MIGA2: variants seen among roughly 807,000 people sequenced by gnomAD.
The protein encoded by MIGA2 is mitoguardin 2, also known as family with sequence similarity 73, member B.
Under a neutral mutation model 69.9 loss-of-function variants are expected in MIGA2, and 36 were observed. The ratio of observed to expected loss-of-function variants is 0.52; its 90% confidence interval spans 0.39 to 0.68. The LOEUF is 0.68. Among genes scored for constraint, MIGA2 ranks in the 30% least tolerant of loss-of-function variants. MIGA2 has a pLI of 0.00. For synonymous variants in MIGA2, 333 were observed against 349.2 expected (o/e 0.95, Z 0.52); for missense variants, 660 against 787.7 (o/e 0.84, Z 1.94).
chr9:129,064,350 G>A (rs1361693120), intron 11 of MIGA2, among the ~76,000 whole-genome samples: 2 of 151,954 alleles, frequency 1.3e-5, no homozygotes, highest in Non-Finnish European at 2.9e-5. Flanking sequence ...GGGACTACAG[G>A]CGCTCGCCAC....
chr9:129,063,527 CCCTT>C lies in MIGA2; in HGVS notation c.1084-14_1084-11del. Reference sequence around the variant, plus strand: ...GCCGTGCCCGGCAGCTCACTCCCCTCCCTTCCTCCTTCCCTAGGGGCTTCTGGAA... The same window carrying C: ...GCCGTGCCCGGCAGCTCACTCCCCTCCCTCCTTCCCTAGGGGCTTCTGGAA... On this transcript the variant is annotated splice_polypyrimidine_tract_variant and intron_variant, in intron 10 of 15. Coordinates refer to ENST00000684074, the MANE Select transcript of MIGA2 (RefSeq NM_001329990.2). 1 of 1,613,532 alleles carries C rather than the reference CCCTT, an allele frequency of 6.2e-7. No individual in the cohort carries two copies. The highest frequency in any genetic ancestry group is 8.5e-7 in the Non-Finnish European group (1 of 1,179,566).
chr9:129,041,296 C>T (rs1415104465), intron 2 of MIGA2, among the ~76,000 whole-genome samples: 2 of 151,864 alleles, frequency 1.3e-5, no homozygotes, highest in Non-Finnish European at 2.9e-5. Flanking sequence ...CATGCCACTA[C>T]ACTCCAGCCT....
In MIGA2 at chr9:129,042,287, T is replaced by C; in HGVS notation, c.97-17T>C. 6.2e-7 allele frequency: 1 copy of C among 1,609,734 alleles called. No homozygotes were observed. The highest frequency in any genetic ancestry group is 8.5e-7 in the Non-Finnish European group (1 of 1,177,936). On this transcript the variant is annotated splice_polypyrimidine_tract_variant and intron_variant, in intron 2 of 15. Transcript: ENST00000684074. The stretch of plus-strand genomic sequence containing the variant: ...CCCCAGGGAGGTGTAACCGGCAGCG[T>C]CTCCTCTTCCCTGCAGTCTGCATTC...
rs1360849926 is a variant in MIGA2, at chr9:129,071,861, C to T, written c.*1408C>T. ...TCCAGGGCAGGAAGGACCCTGTGCT[C>T]CCCGCCCCCCATCCTGACATCCTGT... On this transcript the variant is annotated 3_prime_UTR_variant, in exon 16 of 16. Coordinates refer to ENST00000684074, the MANE Select transcript of MIGA2 (RefSeq NM_001329990.2). The T allele has an allele frequency of 6.6e-6, 1 of 152,670 alleles. No individual in the cohort carries two copies. Among genetic ancestry groups the T allele is most frequent in the Non-Finnish European group, 1.5e-5 (1 of 68,048 alleles). 9.5% of individuals were successfully genotyped at this position (152,670 alleles called of 1,614,324 possible).
intron 6 of MIGA2, among the ~76,000 whole-genome samples, chr9:129,057,058 TC>T (rs1379824652): frequency 6.6e-6 from 1 of 151,590 alleles, no homozygotes; most frequent in African/African-American, 2.4e-5. Flanking sequence ...GAAAGGACAG[TC>T]CTGATGAAAA....
chr9:129,050,938 A>G (rs1845496393), intron 6 of MIGA2, among the ~76,000 whole-genome samples: 1 of 150,012 alleles, frequency 6.7e-6, no homozygotes, highest in South Asian at 2.1e-4. Flanking sequence ...CAATGGTGCG[A>G]TCTTGGCTCA....
intron 1 of MIGA2, among the ~76,000 whole-genome samples, chr9:129,038,646 C>G (rs1432519947): frequency 1.3e-5 from 2 of 152,108 alleles, no homozygotes; most frequent in African/African-American, 4.8e-5. Flanking sequence ...AGCACAAAGT[C>G]TGACTCTACC....
At chr9:129,055,066 A>AT (rs1021809108) in intron 6 of MIGA2, among the ~76,000 whole-genome samples, 1 of 142,658 alleles carries the variant, frequency 7.0e-6, no homozygotes, top group African/African-American at 2.6e-5. Context: ...TAATTTTTGT[A>AT]TTTTTTTTCT....
At chr9:129,062,602 G>A (rs893148031) in intron 9 of MIGA2, among the ~76,000 whole-genome samples, 10 of 151,098 alleles carry the variant, frequency 6.6e-5, no homozygotes, top group South Asian at 2.1e-4. Context: ...CCAGCACTTT[G>A]CGAGGCCAAA....
chr9:129,056,007 C>T (rs924579204), intron 6 of MIGA2, among the ~76,000 whole-genome samples: 5 of 151,254 alleles, frequency 3.3e-5, no homozygotes, highest in African/African-American at 9.7e-5. Context: ...AAATATTTGC[C>T]GAGCGTGGTG....
intron 6 of MIGA2, among the ~76,000 whole-genome samples, chr9:129,050,414 A>G (rs1845459503): frequency 6.6e-6 from 1 of 151,842 alleles, no homozygotes; most frequent in South Asian, 2.1e-4. Context: ...AGCTGGGATT[A>G]TAGGCGCCCG....
At chr9:129,049,303 G>A in intron 4 of MIGA2, 78 bp from the exon 5 acceptor site, 3 of 1,400,004 alleles carry the variant, frequency 2.1e-6, no homozygotes, top group South Asian at 2.4e-5. Context: ...TGGTCAGGCA[G>A]TGGAGGAGGG....
chr9:129,069,305 G>A lies in MIGA2; in HGVS notation c.1458+176G>A. The A allele has an allele frequency of 1.4e-6, 1 of 731,386 alleles. No individual in the cohort carries two copies. The highest frequency in any genetic ancestry group is 2.3e-6 in the Non-Finnish European group (1 of 430,880). The allele number at this position is 731,386 out of a possible 1,614,324, so 45.3% of individuals were successfully genotyped here. On this transcript the variant is annotated intron_variant, in intron 14 of 15. Transcript: ENST00000684074. This position sits in a 1 kb window ranked among gnomAD's most constrained non-coding sequence, Gnocchi z 4.9. ...CAGGAGCTCCCTGGAGGCTCGTGTA[G>A]ACCCACTTCCTCTCCTCCCCAGGCC...
intron 6 of MIGA2, among the ~76,000 whole-genome samples, chr9:129,053,159 G>C (rs1171716353): frequency 6.6e-6 from 1 of 152,028 alleles, no homozygotes; most frequent in African/African-American, 2.4e-5. Context: ...TGGCACCCTC[G>C]GCCTCCTGGA....
In MIGA2 at chr9:129,070,958, T is replaced by G; in HGVS notation, c.*505T>G. 1 of 154,892 alleles carries G rather than the reference T, an allele frequency of 6.5e-6. No individual in the cohort carries two copies. Among genetic ancestry groups the G allele is most frequent in the Non-Finnish European group, 1.4e-5 (1 of 69,588 alleles). 9.6% of individuals were successfully genotyped at this position (154,892 alleles called of 1,614,324 possible). On this transcript the variant is annotated 3_prime_UTR_variant, in exon 16 of 16. Transcript: ENST00000684074. ...CCAGAGAAGGAGAGTGGGGCCACCT[T>G]AGTGGGCAGCAGGCCTGGGCCATCC...
intron 11 of MIGA2, among the ~76,000 whole-genome samples, chr9:129,065,025 C>T (rs796289556): frequency 7.9e-5 from 12 of 152,028 alleles, no homozygotes; most frequent in South Asian, 6.2e-4. Context: ...TCAGGTGATC[C>T]GCCCTCCTTG....
At chr9:129,052,923 G>A (rs1845622599) in intron 6 of MIGA2, among the ~76,000 whole-genome samples, 1 of 152,166 alleles carries the variant, frequency 6.6e-6, no homozygotes, top group Admixed American at 6.5e-5. Context: ...GGCACCTGTA[G>A]GAGTGTGTTG....
At chr9:129,053,766 G>GT (rs2131366831) in intron 6 of MIGA2, among the ~76,000 whole-genome samples, 1 of 152,052 alleles carries the variant, frequency 6.6e-6, no homozygotes, top group African/African-American at 2.4e-5. Context: ...TGGGAGGATT[G>GT]TTTGAGCCAG....
At chr9:129,056,119 C>T (rs1308342612) in intron 6 of MIGA2, among the ~76,000 whole-genome samples, 1 of 146,146 alleles carries the variant, frequency 6.8e-6, no homozygotes, top group East Asian at 1.9e-4. Context: ...AGAGCAAGAC[C>T]CTGTCTCAAG....
Sources: gnomAD v4.1 joint callset for allele counts (sites outside exome capture counted in the v4.1 genomes callset) on GRCh38, gnomAD v4.1.1 for gene constraint, Gnocchi (gnomAD v3.1) non-coding constraint, MANE v1.5 for transcripts, NCBI Gene and HGNC (gene_info 2026-07-23, HGNC 2026-07-21) for gene names.